Variants in PDSS2 observed in about 807,000 individuals in gnomAD.
The protein encoded by PDSS2 is decaprenyl diphosphate synthase subunit 2, also known as all trans-polyprenyl-diphosphate synthase PDSS2.
PDSS2 carries 31 observed loss-of-function variants against 44.5 expected under a neutral mutation model. The observed-to-expected ratio is 0.70, with a 90% CI of 0.52 to 0.94. The LOEUF (loss-of-function observed/expected upper bound fraction) is 0.94, where lower values mean the gene tolerates loss of function less well. PDSS2 is among the 40% of genes least tolerant of loss of function. The pLI is 0.00. For synonymous variants in PDSS2, 157 were observed against 180.3 expected, an observed-to-expected ratio of 0.87 and a Z score of 1.03; for missense variants, 452 against 482.2, an observed-to-expected ratio of 0.94 and a Z score of 0.59.
chr6:107,215,979 A>G (rs1191423131), intron 4 of PDSS2, among the ~76,000 whole-genome samples: 2 of 151,968 alleles, frequency 1.3e-5, no homozygotes, highest in African/African-American at 4.8e-5. Flanking sequence ...TCTACCAAAA[A>G]TACACAAATT....
chr6:107,226,691 A>G (rs1341890770), intron 4 of PDSS2, among the ~76,000 whole-genome samples: 1 of 137,628 alleles, frequency 7.3e-6, no homozygotes, highest in African/African-American at 2.7e-5. Context: ...TTTTTTTGAG[A>G]TGGAGTCTCG....
At chr6:107,442,105 C>T (rs1269501894) in intron 1 of PDSS2, among the ~76,000 whole-genome samples, 3 of 152,134 alleles carry the variant, frequency 2.0e-5, no homozygotes, top group Non-Finnish European at 4.4e-5. Flanking sequence ...TTAGCTCCTC[C>T]TTGCCTAAGT....
At chr6:107,238,445 C>T (rs1396771258) in intron 4 of PDSS2, among the ~76,000 whole-genome samples, 1 of 152,084 alleles carries the variant, frequency 6.6e-6, no homozygotes, top group Non-Finnish European at 1.5e-5. Context: ...AAGAGACAGC[C>T]CCATAGGGTG....
intron 2 of PDSS2, among the ~76,000 whole-genome samples, chr6:107,317,953 C>T (rs1364806250): frequency 6.6e-6 from 1 of 152,104 alleles, no homozygotes; most frequent in East Asian, 1.9e-4. Context: ...CCCCTCCCCC[C>T]AGATAAAGTA....
intron 1 of PDSS2, among the ~76,000 whole-genome samples, chr6:107,383,979 G>A (rs1779530254): frequency 1.3e-5 from 2 of 152,152 alleles, no homozygotes; most frequent in African/African-American, 4.8e-5. Context: ...TGCAACAGAA[G>A]CATTTTCATA....
chr6:107,186,691 T>C (rs532058527), intron 7 of PDSS2, among the ~76,000 whole-genome samples: 1 of 152,166 alleles, frequency 6.6e-6, no homozygotes, highest in Admixed American at 6.6e-5. Flanking sequence ...CTCCCACTTA[T>C]GAGTGAGAAC....
intron 6 of PDSS2, among the ~76,000 whole-genome samples, chr6:107,209,586 T>A (rs60148684): frequency 6.8e-6 from 1 of 147,654 alleles, no homozygotes; most frequent in African/African-American, 2.4e-5. Flanking sequence ...TTTTTTTAAA[T>A]TTCAAAAACT....
At chr6:107,338,960 A>G (rs928170165) in intron 1 of PDSS2, among the ~76,000 whole-genome samples, 3 of 152,102 alleles carry the variant, frequency 2.0e-5, no homozygotes, top group African/African-American at 7.2e-5. Context: ...CTTGGCCTCA[A>G]GTGATCTTCT....
chr6:107,220,598 TCA>T (rs1488698082), intron 4 of PDSS2, among the ~76,000 whole-genome samples: 2 of 152,062 alleles, frequency 1.3e-5, no homozygotes, highest in Admixed American at 1.3e-4. Flanking sequence ...AATCAAAGAT[TCA>T]GTTTTGTTTA....
At chr6:107,220,868 TTC>T (rs1773578980) in intron 4 of PDSS2, among the ~76,000 whole-genome samples, 1 of 152,132 alleles carries the variant, frequency 6.6e-6, no homozygotes, top group Non-Finnish European at 1.5e-5. Flanking sequence ...AATCCCTCAT[TTC>T]CATCAGCTTG....
At chr6:107,200,094 T>C (rs532685110) in intron 6 of PDSS2, among the ~76,000 whole-genome samples, 2 of 152,246 alleles carry the variant, frequency 1.3e-5, no homozygotes, top group African/African-American at 4.8e-5. Flanking sequence ...GGAAAAGACC[T>C]TAGAATGGAA....
At chr6:107,386,178 T>C (rs1049730063) in intron 1 of PDSS2, among the ~76,000 whole-genome samples, 9 of 152,164 alleles carry the variant, frequency 5.9e-5, no homozygotes, top group African/African-American at 2.2e-4. Flanking sequence ...TTAATAGTTA[T>C]GTATATTCAC....
intron 4 of PDSS2, among the ~76,000 whole-genome samples, chr6:107,231,711 C>T (rs773361357): frequency 6.6e-6 from 1 of 152,170 alleles, no homozygotes; most frequent in Non-Finnish European, 1.5e-5. Context: ...TGGCTGGGCG[C>T]AGCACTTTGG....
intron 4 of PDSS2, among the ~76,000 whole-genome samples, chr6:107,241,690 G>A (rs76950396): frequency 7.9e-5 from 12 of 152,214 alleles, no homozygotes; most frequent in Non-Finnish European, 1.6e-4. Flanking sequence ...AATGTATCCA[G>A]TTCCAATTCC....
At chr6:107,225,020 G>T (rs1300272388) in intron 4 of PDSS2, among the ~76,000 whole-genome samples, 3 of 148,764 alleles carry the variant, frequency 2.0e-5, no homozygotes, top group South Asian at 4.2e-4. Context: ...GTAGGCTTTA[G>T]TTCTTGCCAC....
rs1382319726 is a variant in PDSS2 at position 107,425,679 on chromosome 6, A to G, written c.296+33311T>C. On this transcript the variant is annotated intron_variant, in intron 1 of 7. Transcript: ENST00000369037. ...TTGCAGCCTGACAATGCAATTGAAAAGAAAATCCCATTTTCCTCACACCTG... is the reference window on the plus strand; with the variant it reads ...TTGCAGCCTGACAATGCAATTGAAAGGAAAATCCCATTTTCCTCACACCTG... Among the ~76,000 whole-genome samples the G allele has an allele frequency of 3.3e-5, 5 of 152,230 alleles. No homozygotes were observed. The East Asian group carries it at 9.6e-4, about 29-fold the overall frequency.
At chr6:107,157,894 A>G (rs1554245965) in intron 7 of PDSS2, among the ~76,000 whole-genome samples, 1 of 151,814 alleles carries the variant, frequency 6.6e-6, no homozygotes, top group East Asian at 1.9e-4. Context: ...GCTGGTCTCG[A>G]ACTCCTGACC....
intron 6 of PDSS2, among the ~76,000 whole-genome samples, chr6:107,200,280 C>T (rs1387582189): frequency 6.6e-6 from 1 of 152,194 alleles, no homozygotes; most frequent in African/African-American, 2.4e-5. Context: ...TCTAGTCCTT[C>T]ATTGGTTAAT....
chr6:107,293,932 C>T (rs73511132), intron 2 of PDSS2, among the ~76,000 whole-genome samples: 3,105 of 152,178 alleles, frequency 0.02, 109 homozygotes, highest in African/African-American at 0.071. Flanking sequence ...ACAGGACCAA[C>T]GCCAACTGCC....
Sources: allele counts gnomAD v4.1 joint callset (sites outside exome capture counted in the v4.1 genomes callset), GRCh38; gene constraint gnomAD v4.1.1; transcripts MANE v1.5; gene names NCBI Gene and HGNC (gene_info 2026-07-23, HGNC 2026-07-21).